Variants in RARB observed in about 807,000 individuals in gnomAD.
The protein encoded by RARB is HBV-activated protein.
In RARB, 17 loss-of-function variants were observed where a neutral mutation model predicts 51.9. That is an observed-to-expected ratio of 0.33 (90% CI 0.22 to 0.49). The LOEUF is 0.49. Ranked by LOEUF, RARB falls within the 20% of genes least tolerant of loss-of-function variation. The pLI is 0.99. For missense variants in RARB, 369 were observed against 550.8 expected (o/e 0.67, Z 3.30); for synonymous variants, 215 against 195.4 (o/e 1.10, Z -0.84).
chr3:25,028,624 T>A (rs557924806), intron 2 of RARB, among the ~76,000 whole-genome samples: 1 of 152,082 alleles, frequency 6.6e-6, no homozygotes, highest in African/African-American at 2.4e-5. Context: ...AAAGGGTGTT[T>A]CTGTGGTTTC....
At chr3:25,016,845 A>G (rs1697519774) in intron 2 of RARB, among the ~76,000 whole-genome samples, 1 of 152,080 alleles carries the variant, frequency 6.6e-6, no homozygotes, top group African/African-American at 2.4e-5. Context: ...TTACAAGAAC[A>G]AACACCGGTA....
intron 3 of RARB, among the ~76,000 whole-genome samples, chr3:25,506,245 T>C (rs1244557583): frequency 1.1e-5 from 1 of 87,934 alleles, no homozygotes; most frequent in Non-Finnish European, 2.0e-5. Context: ...AGGGTGAGAC[T>C]CCATCTCAAA....
chr3:25,414,415 A>G (rs939380881), intron 5 of RARB, among the ~76,000 whole-genome samples: 20 of 152,240 alleles, frequency 1.3e-4, no homozygotes, highest in African/African-American at 4.8e-4. Context: ...ATATGCCTTA[A>G]TGTCTCCTGA....
chr3:24,995,423 T>C (rs1343754009), intron 2 of RARB, among the ~76,000 whole-genome samples: 1 of 152,096 alleles, frequency 6.6e-6, no homozygotes, highest in Non-Finnish European at 1.5e-5. Context: ...AGAATACTAA[T>C]TTGGCTTCTT....
At chr3:25,321,867 T>TG (rs1208574530) in intron 5 of RARB, among the ~76,000 whole-genome samples, 1 of 142,078 alleles carries the variant, frequency 7.0e-6, no homozygotes, top group Non-Finnish European at 1.5e-5. Context: ...TTCTCTAAAA[T>TG]TTAAAAAAAA....
intron 2 of RARB, among the ~76,000 whole-genome samples, chr3:24,992,159 A>T (rs537565254): frequency 6.6e-6 from 1 of 152,216 alleles, no homozygotes; most frequent in Non-Finnish European, 1.5e-5. Context: ...GTCACATCAT[A>T]TATTTATATT....
At chr3:25,583,567 C>T (rs3773431) in intron 5 of RARB, among the ~76,000 whole-genome samples, 8,606 of 152,272 alleles carry the variant, frequency 0.057, 355 homozygotes, top group South Asian at 0.13. Flanking sequence ...GACACGCAGC[C>T]GAGGCTCTCC....
rs943782896 is a variant in RARB, at chr3:25,428,912, T to C, written c.157+24T>C. ...ATGTAGGTTTATTTTTTTCCCTTCT[T>C]CTACCAAGAAAAAAAAAATTGTCTC... On this transcript the variant is annotated intron_variant, in intron 1 of 7. Transcript: ENST00000330688. 3.8e-6 allele frequency: 6 copies of C among 1,573,500 alleles called. No individual in the cohort carries two copies. In the African/African-American group the frequency reaches 8.2e-5, roughly 21 times the overall value.
At chr3:25,443,138 G>A (rs957527375) in intron 1 of RARB, among the ~76,000 whole-genome samples, 5 of 152,156 alleles carry the variant, frequency 3.3e-5, no homozygotes, top group African/African-American at 9.7e-5. Flanking sequence ...CAGTGAAAAC[G>A]AAATTGAGAA....
At chr3:25,529,442 C>A (rs1559452936) in intron 3 of RARB, among the ~76,000 whole-genome samples, 3 of 152,118 alleles carry the variant, frequency 2.0e-5, no homozygotes, top group Admixed American at 1.3e-4. Flanking sequence ...GCATCTGTCT[C>A]TGACAACTAA....
chr3:24,948,836 C>A (rs1360429722), intron 2 of RARB, among the ~76,000 whole-genome samples: 1 of 152,190 alleles, frequency 6.6e-6, no homozygotes, highest in Non-Finnish European at 1.5e-5. Flanking sequence ...CGTGCCTGCT[C>A]CCTTTTGCTT....
intron 5 of RARB, among the ~76,000 whole-genome samples, chr3:25,327,356 T>C (rs772095319): frequency 6.6e-6 from 1 of 151,954 alleles, no homozygotes; most frequent in Non-Finnish European, 1.5e-5. Context: ...TACTACAATA[T>C]TTCAAAATAA....
intron 5 of RARB, among the ~76,000 whole-genome samples, chr3:25,332,002 A>G (rs999157965): frequency 1.3e-5 from 2 of 152,222 alleles, no homozygotes; most frequent in Non-Finnish European, 2.9e-5. Context: ...GAATAGACCA[A>G]TAACAGGGTC....
chr3:24,903,033 G>T (rs2125373086), intron 2 of RARB, among the ~76,000 whole-genome samples: 1 of 152,164 alleles, frequency 6.6e-6, no homozygotes, highest in East Asian at 1.9e-4. Flanking sequence ...ACTGTTATTG[G>T]AAAAATCTTG....
chr3:25,001,955 G>C (rs1026664873), intron 2 of RARB, among the ~76,000 whole-genome samples: 2 of 151,988 alleles, frequency 1.3e-5, no homozygotes, highest in African/African-American at 4.8e-5. Context: ...TTTTTTTATA[G>C]ATACAGGGTT....
intron 3 of RARB, among the ~76,000 whole-genome samples, chr3:25,072,064 G>C (rs11715684): frequency 0.7 from 106,482 of 152,196 alleles, 37,617 homozygotes; most frequent in Non-Finnish European, 0.73. Flanking sequence ...TTATCTTGAA[G>C]GATTCTCGTT....
intron 2 of RARB, among the ~76,000 whole-genome samples, chr3:24,905,870 T>G (rs77388838): frequency 0.015 from 2,317 of 152,346 alleles, 64 homozygotes; most frequent in African/African-American, 0.053. Context: ...TATGCAATCT[T>G]GACTATTTTA....
At chr3:25,584,988 A>C in intron 5 of RARB, among the ~76,000 whole-genome samples, 1 of 140,342 alleles carries the variant, frequency 7.1e-6, no homozygotes, top group East Asian at 2.0e-4. Flanking sequence ...TCCTGGCTCC[A>C]CATAGATCCT....
intron 5 of RARB, among the ~76,000 whole-genome samples, chr3:25,255,841 T>C (rs1338267414): frequency 6.6e-6 from 1 of 152,152 alleles, no homozygotes; most frequent in Non-Finnish European, 1.5e-5. Flanking sequence ...GTCAAGTGTG[T>C]ATGCTTGTGA....
Sources: gnomAD v4.1 joint callset for allele counts (sites outside exome capture counted in the v4.1 genomes callset) on GRCh38, gnomAD v4.1.1 for gene constraint, MANE v1.5 for transcripts, NCBI Gene and HGNC (gene_info 2026-07-23, HGNC 2026-07-21) for gene names.